AQP11: variants seen among roughly 807,000 people sequenced by gnomAD.
AQP11 encodes the protein aquaporin 11.
Under a neutral mutation model 21.1 loss-of-function variants are expected in AQP11, and 20 were observed. The ratio of observed to expected loss-of-function variants is 0.95; its 90% CI spans 0.67 to 1.38. AQP11 has a LOEUF of 1.38. Ranked by LOEUF, AQP11 falls within the 40% of genes most tolerant of loss-of-function variation. The pLI, the probability that AQP11 is intolerant of heterozygous loss-of-function variation, is 0.00. For synonymous variants in AQP11, 167 were observed against 150.1 expected, an observed-to-expected ratio of 1.11 and a Z score of -0.82; for missense variants, 339 against 340.4, an observed-to-expected ratio of 1.00 and a Z score of 0.03.
chr11:77,590,646 G>C, intron 1 of AQP11, 35 bp downstream of exon 1: 4 of 1,583,642 alleles, frequency 2.5e-6, no homozygotes, highest in South Asian at 2.3e-5. Context: ...GGCACTTCCA[G>C]AGCCTCTATG....
At position 77,609,336 on chromosome 11, in the gene AQP11, C is replaced by T; in HGVS notation, c.775C>T (p.Pro259Ser). Reference sequence around the variant, plus strand: ...GATTTTGATGTTCAGCTTTTTCCTTCCATGGCTGCATAACAACCATACAAT... The same window carrying T: ...GATTTTGATGTTCAGCTTTTTCCTTTCATGGCTGCATAACAACCATACAAT... ...LMILMFSFFL[P>S]WLHNNHTINK... The change falls in exon 3 of 3, where the codon CCA (proline) becomes TCA (serine). Residue 259 changes from proline (P) to serine (S), a missense_variant. Coordinates refer to ENST00000313578, the MANE Select transcript of AQP11 (RefSeq NM_173039.3). The T allele has an allele frequency of 6.2e-7, 1 of 1,613,062 alleles. No homozygotes were observed. Among genetic ancestry groups the T allele is most frequent in the Non-Finnish European group, 8.5e-7 (1 of 1,179,602 alleles).
chr11:77,603,327 T>G (rs573821988), intron 1 of AQP11, among the ~76,000 whole-genome samples: 1 of 152,204 alleles, frequency 6.6e-6, no homozygotes, highest in African/African-American at 2.4e-5. Flanking sequence ...TTATAGTCTA[T>G]AGGAAAAGCA....
intron 1 of AQP11, among the ~76,000 whole-genome samples, chr11:77,601,194 G>A (rs1958813717): frequency 6.6e-6 from 1 of 152,178 alleles, no homozygotes; most frequent in Non-Finnish European, 1.5e-5. Context: ...TGCTAAGCAT[G>A]CTGCGGTGCA....
At chr11:77,609,173 C>A (rs1565120759) in intron 2 of AQP11, 125 bp from the exon 3 acceptor site, 5 of 581,816 alleles carry the variant, frequency 8.6e-6, no homozygotes, top group Admixed American at 3.3e-5. Context: ...ATTGATGTAG[C>A]CAATTCTTTA....
chr11:77,596,537 A>ATATATATAT (rs1958782852), intron 1 of AQP11, among the ~76,000 whole-genome samples: 3 of 86,576 alleles, frequency 3.5e-5, no homozygotes, highest in Non-Finnish European at 4.6e-5. Context: ...TATATATGTA[A>ATATATATAT]ATATATATAT....
At chr11:77,598,547 G>A (rs1958796685) in intron 1 of AQP11, among the ~76,000 whole-genome samples, 1 of 152,064 alleles carries the variant, frequency 6.6e-6, no homozygotes, top group South Asian at 2.1e-4. Flanking sequence ...TACACAATAC[G>A]TGATATGTTC....
At position 77,590,120 on chromosome 11, in the gene AQP11, TGGCCCACGC is replaced by T; in HGVS notation, c.129_137del (p.Ala44_Ala46del). On this transcript the variant is annotated inframe_deletion, in exon 1 of 3. Coordinates refer to ENST00000313578, the MANE Select transcript of AQP11 (RefSeq NM_173039.3). ...GCCCGGCAGCAGCTGCACAGGCCGG[TGGCCCACGC>T]CTTCGTCCTGGAGTTTCTAGCCACC... The T allele has an allele frequency of 6.2e-7, 1 of 1,607,680 alleles. No individual in the cohort carries two copies. Among genetic ancestry groups the T allele is most frequent in the Non-Finnish European group, 8.5e-7 (1 of 1,179,748 alleles).
chr11:77,598,191 C>G (rs1958794740), intron 1 of AQP11, among the ~76,000 whole-genome samples: 1 of 152,218 alleles, frequency 6.6e-6, no homozygotes, highest in Admixed American at 6.5e-5. Context: ...AGCTTCCACT[C>G]TAAATGAATA....
chr11:77,603,176 T>C (rs981738101), intron 1 of AQP11, among the ~76,000 whole-genome samples: 1 of 152,250 alleles, frequency 6.6e-6, no homozygotes, highest in Non-Finnish European at 1.5e-5. Flanking sequence ...GGATCTTGGG[T>C]CATTGTATCT....
chr11:77,603,775 C>A, intron 2 of AQP11, 103 bp downstream of exon 2: 2 of 821,864 alleles, frequency 2.4e-6, no homozygotes, highest in South Asian at 5.1e-5. Context: ...ACAGCAGGCA[C>A]AAAACAGAAA....
At chr11:77,593,527 C>T (rs1433252951) in intron 1 of AQP11, among the ~76,000 whole-genome samples, 1 of 152,062 alleles carries the variant, frequency 6.6e-6, no homozygotes, top group Non-Finnish European at 1.5e-5. Context: ...GTCCCAGCTA[C>T]TGGGGAGGCT....
chr11:77,597,436 G>A (rs1958789915), intron 1 of AQP11, among the ~76,000 whole-genome samples: 2 of 152,158 alleles, frequency 1.3e-5, no homozygotes. Flanking sequence ...GCTGGGCATG[G>A]TGGCTCGCGC....
chr11:77,599,811 C>T (rs1461233162), intron 1 of AQP11, among the ~76,000 whole-genome samples: 1 of 150,206 alleles, frequency 6.7e-6, no homozygotes, highest in Non-Finnish European at 1.5e-5. Context: ...GTCTTGAACT[C>T]CTGGACTCAA....
At chr11:77,594,499 C>A (rs1405146022) in intron 1 of AQP11, among the ~76,000 whole-genome samples, 1 of 152,150 alleles carries the variant, frequency 6.6e-6, no homozygotes, top group Admixed American at 6.5e-5. Context: ...GGCTATAAGT[C>A]ATAACTTTGG....
At chr11:77,591,162 ATTCATT>A (rs1958745522) in intron 1 of AQP11, 1 of 955,406 alleles carries the variant, frequency 1.0e-6, no homozygotes, top group Non-Finnish European at 1.2e-6. Flanking sequence ...TTCCTTAATA[ATTCATT>A]TTGAGTTATA....
intron 1 of AQP11, among the ~76,000 whole-genome samples, chr11:77,594,182 C>A (rs527356868): frequency 5.9e-5 from 9 of 152,272 alleles, no homozygotes; most frequent in African/African-American, 1.9e-4. Context: ...GACTTATACA[C>A]TTAAAAATGG....
At position 77,609,523 on chromosome 11, in the gene AQP11, G is replaced by A; in HGVS notation, c.*146G>A. 7.6e-6 allele frequency: 4 copies of A among 523,816 alleles called. No homozygotes were observed. Among genetic ancestry groups the A allele is most frequent in the South Asian group, 4.9e-5 (1 of 20,238 alleles). The allele number at this position is 523,816 out of a possible 1,614,324, so 32.4% of individuals were successfully genotyped here. A position where few individuals can be genotyped will look rare whatever the true frequency, so the allele number is the denominator to read the frequency against. ...AGCTGCCTTATAGTTTTCATCACTGGGACTTTAAAAAAAAATTACTGTGAA... is the reference window on the plus strand; with the variant it reads ...AGCTGCCTTATAGTTTTCATCACTGAGACTTTAAAAAAAAATTACTGTGAA... On this transcript the variant is annotated 3_prime_UTR_variant, in exon 3 of 3. Transcript: ENST00000313578.
intron 1 of AQP11, among the ~76,000 whole-genome samples, chr11:77,598,087 CAG>C (rs1422018318): frequency 1.3e-5 from 2 of 152,146 alleles, no homozygotes; most frequent in African/African-American, 4.8e-5. Context: ...CAGAGCTCAT[CAG>C]GGTATGATAA....
intron 1 of AQP11, among the ~76,000 whole-genome samples, chr11:77,597,962 A>C (rs934371779): frequency 2.0e-5 from 3 of 151,878 alleles, no homozygotes; most frequent in African/African-American, 7.3e-5. Flanking sequence ...GCTGGTCTTG[A>C]ACTCCTGACC....
Sources: gnomAD v4.1 joint callset for allele counts (sites outside exome capture counted in the v4.1 genomes callset) on GRCh38, gnomAD v4.1.1 for gene constraint, MANE v1.5 for transcripts, NCBI Gene and HGNC (gene_info 2026-07-23, HGNC 2026-07-21) for gene names.